Variants in CRACR2B observed in about 807,000 individuals in gnomAD.
CRACR2B encodes calcium release activated channel regulator 2B.
In CRACR2B, 50 loss-of-function variants were observed where a neutral mutation model predicts 46.0. That is an observed-to-expected ratio of 1.09 (90% CI 0.87 to 1.38). The LOEUF is 1.38. Ranked by LOEUF, CRACR2B falls within the 40% of genes most tolerant of loss-of-function variation. The probability of loss-of-function intolerance (pLI) is 0.00; values close to 1 mark genes in which losing one functional copy is unlikely to be tolerated. For synonymous variants in CRACR2B, 277 were observed against 239.6 expected (o/e 1.16, Z -1.44); for missense variants, 667 against 535.0 (o/e 1.25, Z -2.43).
chr11:829,369 TG>T lies in CRACR2B; in HGVS notation c.292del (p.Val98TrpfsTer60). On this transcript the variant is annotated frameshift_variant, in exon 3 of 9. Coordinates refer to ENST00000525077, the MANE Select transcript of CRACR2B (RefSeq NM_001286606.2). LOFTEE classifies it high-confidence loss of function. ...CGCTCCATGCCCGCAGGGATGTTTG[TG>T]GGGGTGGCGTCAGCCCAGGGAGCGA... The part of the protein sequence containing the change: ...REFCLGLGMF[V>X]GVASAQGANP... 1.2e-6 allele frequency: 2 copies of T among 1,606,090 alleles called. No homozygotes were observed. Among genetic ancestry groups the T allele is most frequent in the East Asian group, 2.2e-5 (1 of 44,784 alleles).
chr11:827,913 G>A (rs1048268754), upstream of CRACR2B, among the ~76,000 whole-genome samples: 1 of 152,208 alleles, frequency 6.6e-6, no homozygotes, highest in East Asian at 1.9e-4. Context: ...AACGGGGAAG[G>A]GCCTCAGTGT....
Position 830,024 on chromosome 11 carries a change from G to T in CRACR2B, c.497G>T (p.Arg166Leu), listed in dbSNP as rs749555365. 1 of 1,570,450 alleles carries T rather than the reference G, an allele frequency of 6.4e-7. No homozygotes were observed. Among genetic ancestry groups the T allele is most frequent in the South Asian group, 1.1e-5 (1 of 87,292 alleles). ...AGGACGCTCTGGGCCAGGCTGCAGC[G>T]CGAGCGCCCCGAGCTGCTGGGCTCT... The part of the protein sequence containing the change: ...AVRTLWARLQ[R>L]ERPELLGSFE... The change falls in exon 4 of 9, where the codon CGC (arginine) becomes CTC (leucine). Residue 166 changes from arginine (R) to leucine (L), a missense_variant. Coordinates refer to ENST00000525077, the MANE Select transcript of CRACR2B (RefSeq NM_001286606.2).
chr11:829,971 C>T lies in CRACR2B; in HGVS notation c.459-15C>T. The stretch of plus-strand genomic sequence containing the variant: ...CTTCTGCCAGCTCCAGCCTCAGTTC[C>T]CGCCCGCCCTCCAGGCAGCGGGCTG... On this transcript the variant is annotated splice_polypyrimidine_tract_variant and intron_variant, in intron 3 of 8. Transcript: ENST00000525077. 6.4e-7 allele frequency: 1 copy of T among 1,557,530 alleles called. No homozygotes were observed. The highest frequency in any genetic ancestry group is 8.6e-7 in the Non-Finnish European group (1 of 1,158,150).
At chr11:827,304 C>T (rs537843094), upstream of CRACR2B, 402 of 152,168 alleles carry the variant, frequency 2.6e-3, no homozygotes, top group Non-Finnish European at 4.3e-3. Context: ...GCAGGTGCGG[C>T]GGCGCAACTC....
Position 828,856 on chromosome 11 carries a change from TCCAGAGCGACCTGCCCCTCACG to T in CRACR2B, c.178_199del (p.Asp60SerfsTer91). Reference sequence around the variant, plus strand: ...CTGCTCTCCTTCCCCGACCAGGGTCTCCAGAGCGACCTGCCCCTCACGCCAGAGCAGCTGGAGGCTGTGTTTG... The same window carrying T: ...CTGCTCTCCTTCCCCGACCAGGGTCTCCAGAGCAGCTGGAGGCTGTGTTTG... On this transcript the variant is annotated frameshift_variant, in exon 2 of 9. Transcript: ENST00000525077. LOFTEE classifies it high-confidence loss of function. 1 of 1,610,836 alleles carries T rather than the reference TCCAGAGCGACCTGCCCCTCACG, an allele frequency of 6.2e-7. No individual in the cohort carries two copies. Among genetic ancestry groups the T allele is most frequent in the Non-Finnish European group, 8.5e-7 (1 of 1,179,564 alleles).
rs761465228 is a variant in CRACR2B, at chr11:831,269, C to T, written c.999C>T (p.Ser333=). The T allele has an allele frequency of 5.6e-6, 9 of 1,611,172 alleles. No homozygotes were observed. The highest frequency in any genetic ancestry group is 1.3e-5 in the African/African-American group (1 of 74,704). ...GGAACATGCAGAAAGAGAAAGTCAG[C>T]CTGCTACGGCAACTGGAGCTGCTCA... ...VSRNMQKEKV[S]LLRQLELLRE... is the part of the protein sequence containing the mutation. Residue 333 remains serine (S), a synonymous_variant, in exon 8 of 9, where the codon AGC becomes AGT. Coordinates refer to ENST00000525077, the MANE Select transcript of CRACR2B (RefSeq NM_001286606.2).
In CRACR2B at chr11:828,872, C is replaced by T. The variant is rs761091360; in HGVS notation, c.186C>T (p.Pro62=). The change falls in exon 2 of 9, where the codon CCC becomes CCT. Residue 62 remains proline (P), a synonymous_variant. Transcript: ENST00000525077. ...ACCAGGGTCTCCAGAGCGACCTGCC[C>T]CTCACGCCAGAGCAGCTGGAGGCTG... The part of the protein sequence containing the change: ...HDLQGLQSDL[P]LTPEQLEAVF... 27 of 1,610,646 alleles carry T rather than the reference C, an allele frequency of 1.7e-5. No individual in the cohort carries two copies. The highest frequency in any genetic ancestry group is 6.7e-5 in the Admixed American group (4 of 59,940).
intron 2 of CRACR2B, 91 bp from the exon 3 acceptor site, chr11:829,269 G>GA (rs1846178282): frequency 6.7e-7 from 1 of 1,498,998 alleles, no homozygotes. Flanking sequence ...TGGGCCCTGA[G>GA]AGAGGGCAGG....
At chr11:831,187 G>A in intron 7 of CRACR2B, 37 bp from the exon 8 acceptor site, 1 of 1,610,808 alleles carries the variant, frequency 6.2e-7, no homozygotes, top group Non-Finnish European at 8.5e-7. Context: ...TCCCCAAGGA[G>A]CCTTCCTGCA....
chr11:830,179 A>T, intron 4 of CRACR2B, 47 bp downstream of exon 4: 1 of 1,500,598 alleles, frequency 6.7e-7, no homozygotes, highest in Non-Finnish European at 8.9e-7. Flanking sequence ...GCCTCAGGGC[A>T]GCAGCAGAGG....
intron 8 of CRACR2B, 96 bp from the exon 9 acceptor site, chr11:831,439 C>A: frequency 6.7e-7 from 1 of 1,485,004 alleles, no homozygotes; most frequent in Non-Finnish European, 9.0e-7. Context: ...CAGCCTCAGC[C>A]AGACACCTCT....
intron 4 of CRACR2B, 25 bp downstream of exon 4, chr11:830,157 G>A (rs956168468): frequency 1.3e-6 from 2 of 1,516,408 alleles, no homozygotes; most frequent in African/African-American, 1.4e-5. Flanking sequence ...GGGGTATGGG[G>A]GCCAATGGAG....
rs908211761 is a variant in CRACR2B, at chr11:830,103, G to A, written c.576G>A (p.Glu192=). The A allele has an allele frequency of 6.5e-7, 1 of 1,540,318 alleles. No homozygotes were observed. Among genetic ancestry groups the A allele is most frequent in the Non-Finnish European group, 8.7e-7 (1 of 1,148,136 alleles). The change falls in exon 4 of 9, where the codon GAG becomes GAA. Residue 192 remains glutamate, a synonymous_variant. Coordinates refer to ENST00000525077, the MANE Select transcript of CRACR2B (RefSeq NM_001286606.2). Reference sequence around the variant, plus strand: ...CCTGCCTGGAGGAGGCGGCCCGGGAGCGCGACGGCCTGGAGCAGGCGCTGC... The same window carrying A: ...CCTGCCTGGAGGAGGCGGCCCGGGAACGCGACGGCCTGGAGCAGGCGCTGC... ...ASACLEEAAR[E]RDGLEQALRR... is the part of the protein sequence containing the mutation.
chr11:830,408 C>T (rs1233730921), intron 5 of CRACR2B, 71 bp downstream of exon 5: 9 of 1,536,082 alleles, frequency 5.9e-6, no homozygotes, highest in Non-Finnish European at 7.8e-6. Flanking sequence ...TCCGCCTTCT[C>T]TGAATTAATC....
rs367873800 is a variant in CRACR2B, at chr11:828,515, A to C, written c.-93A>C. On this transcript the variant is annotated 5_prime_UTR_variant, in exon 1 of 9. Coordinates refer to ENST00000525077, the MANE Select transcript of CRACR2B (RefSeq NM_001286606.2). ...AGGGCCCTCGGCTGAGCCTTCAGAC[A>C]CACTTGCACCCCATCCGCTCCCCTC... is the stretch of plus-strand genomic sequence containing the variant. The C allele has an allele frequency of 9.2e-6, 13 of 1,409,022 alleles. No homozygotes were observed. The Admixed American group carries it at 3.0e-4, about 33-fold the overall frequency. 87.3% of individuals were successfully genotyped at this position (1,409,022 alleles called of 1,614,324 possible). A position where few individuals can be genotyped will look rare whatever the true frequency, so the allele number is the denominator to read the frequency against.
At position 829,970 on chromosome 11, in the gene CRACR2B, C is replaced by T. The variant is rs760321341; in HGVS notation, c.459-16C>T. On this transcript the variant is annotated splice_polypyrimidine_tract_variant and intron_variant, in intron 3 of 8. Transcript: ENST00000525077. ...GCTTCTGCCAGCTCCAGCCTCAGTT[C>T]CCGCCCGCCCTCCAGGCAGCGGGCT... 7 of 1,556,798 alleles carry T rather than the reference C, an allele frequency of 4.5e-6. No individual in the cohort carries two copies. The highest frequency in any genetic ancestry group is 5.2e-6 in the Non-Finnish European group (6 of 1,157,846).
chr11:828,360 A>C lies in CRACR2B; in HGVS notation c.-248A>C, dbSNP rs1846067400. 1 of 493,040 alleles carries C rather than the reference A, an allele frequency of 2.0e-6. No homozygotes were observed. Among genetic ancestry groups the C allele is most frequent in the African/African-American group, 2.0e-5 (1 of 49,316 alleles). The allele number at this position is 493,040 out of a possible 1,614,324, so 30.5% of individuals were successfully genotyped here. A position where few individuals can be genotyped will look rare whatever the true frequency, so the allele number is the denominator to read the frequency against. On this transcript the variant is annotated 5_prime_UTR_variant, in exon 1 of 9. Coordinates refer to ENST00000525077, the MANE Select transcript of CRACR2B (RefSeq NM_001286606.2). ...TCCAGCCTCCTGAGATGCCAGACCC[A>C]CTGGGGCAGTACCCACAGGCCCTGA...
At position 831,699 on chromosome 11, in the gene CRACR2B, G is replaced by A. The variant is rs1846466523; in HGVS notation, c.1190G>A (p.Ser397Asn). 9.9e-6 allele frequency: 15 copies of A among 1,510,072 alleles called. No individual in the cohort carries two copies. The highest frequency in any genetic ancestry group is 2.8e-5 in the African/African-American group (2 of 70,618). 93.5% of individuals were successfully genotyped at this position (1,510,072 alleles called of 1,614,324 possible). ...PPRRGSGHLP[S>N]AR The stretch of plus-strand genomic sequence containing the variant: ...AGACGCGGCTCTGGCCACCTTCCCA[G>A]TGCCCGGTGACCAGCCCCGAGTGAC... The change falls in exon 9 of 9, where the codon AGT (serine) becomes AAT (asparagine). Residue 397 changes from serine (S) to asparagine (N), a missense_variant. Coordinates refer to ENST00000525077, the MANE Select transcript of CRACR2B (RefSeq NM_001286606.2).
intron 4 of CRACR2B, 52 bp from the exon 5 acceptor site, chr11:830,198 G>C: frequency 6.7e-7 from 1 of 1,490,864 alleles, no homozygotes; most frequent in East Asian, 2.5e-5. Context: ...GGCGGTGCCA[G>C]GGGGCTGTAG....
Sources: allele counts gnomAD v4.1 joint callset (sites outside exome capture counted in the v4.1 genomes callset), GRCh38; gene constraint gnomAD v4.1.1; transcripts MANE v1.5; gene names NCBI Gene and HGNC (gene_info 2026-07-23, HGNC 2026-07-21).